The following PCNT variants were observed in gnomAD, a reference collection of about 807,000 sequenced individuals.
PCNT encodes kendrin.
A neutral mutation model predicts 380.4 loss-of-function variants in PCNT; 319 were observed. The ratio of observed to expected loss-of-function variants is 0.84; its 90% confidence interval spans 0.77 to 0.92. The LOEUF is 0.92. Among genes scored for constraint, PCNT ranks in the 40% least tolerant of loss-of-function variants. The pLI is 0.00. For missense variants in PCNT, 4,400 were observed against 4,255.3 expected (o/e 1.03, Z -0.95); for synonymous variants, 1,845 against 1,735.2 (o/e 1.06, Z -1.57).
intron 12 of PCNT, 137 bp downstream of exon 12, chr21:46,355,763 C>A: frequency 1.2e-6 from 1 of 854,806 alleles, no homozygotes; most frequent in South Asian, 1.4e-5. Context: ...CTGGGGCTGA[C>A]ACCTCAACAG....
intron 32 of PCNT, among the ~76,000 whole-genome samples, chr21:46,422,893 G>A (rs1031406354): frequency 2.6e-5 from 4 of 152,112 alleles, no homozygotes; most frequent in East Asian, 1.9e-4. Flanking sequence ...TAAAAGTCGC[G>A]GTTTCCAAAA....
intron 27 of PCNT, among the ~76,000 whole-genome samples, chr21:46,408,073 A>G (rs1220181086): frequency 6.6e-6 from 1 of 152,206 alleles, no homozygotes; most frequent in African/African-American, 2.4e-5. Flanking sequence ...TTTTGAAAAA[A>G]GGATTTAGTC....
intron 6 of PCNT, 36 bp downstream of exon 6, chr21:46,347,548 G>A (rs1277667068): frequency 6.2e-7 from 1 of 1,604,552 alleles, no homozygotes. Flanking sequence ...ACGCCTCTGT[G>A]TATGTTGTTT....
chr21:46,326,720 A>G, intron 2 of PCNT, 131 bp downstream of exon 2: 2 of 1,050,176 alleles, frequency 1.9e-6, no homozygotes, highest in Non-Finnish European at 2.9e-6. Context: ...ATTTTAGTTT[A>G]TAAAAAGTGA....
In PCNT at chr21:46,412,857, G is replaced by A; in HGVS notation, c.6015G>A (p.Leu2005=). The change falls in exon 29 of 47, where the codon CTG becomes CTA. Residue 2005 remains leucine (L), a synonymous_variant. Transcript: ENST00000359568. Reference sequence around the variant, plus strand: ...TCAAGGGTGATCTGCAGCCTGTCCTGGTGACGTTGAAGGATGCACCTCTCT... The same window carrying A: ...TCAAGGGTGATCTGCAGCCTGTCCTAGTGACGTTGAAGGATGCACCTCTCT... ...PDPQGDLQPV[L]VTLKDAPLCK... 2 of 1,612,290 alleles carry A rather than the reference G, an allele frequency of 1.2e-6. No individual in the cohort carries two copies. Among genetic ancestry groups the A allele is most frequent in the Non-Finnish European group, 1.7e-6 (2 of 1,180,026 alleles).
intron 39 of PCNT, 117 bp from the exon 40 acceptor site, chr21:46,436,862 C>T (rs974323669): frequency 1.3e-6 from 1 of 794,578 alleles, no homozygotes; most frequent in Non-Finnish European, 2.2e-6. Context: ...AAGTGATTCA[C>T]ACACAGGCTC....
At chr21:46,360,371 C>T (rs1465552074) in intron 13 of PCNT, among the ~76,000 whole-genome samples, 2 of 137,912 alleles carry the variant, frequency 1.5e-5, no homozygotes, top group Non-Finnish European at 3.1e-5. Context: ...CTACAGGCGC[C>T]CGCCACCACG....
intron 13 of PCNT, among the ~76,000 whole-genome samples, chr21:46,358,540 G>A (rs1432723510): frequency 6.6e-6 from 1 of 152,236 alleles, no homozygotes; most frequent in Non-Finnish European, 1.5e-5. Context: ...GGCACCTGCA[G>A]CCACCAGTGT....
intron 35 of PCNT, among the ~76,000 whole-genome samples, chr21:46,429,489 G>A (rs2087660515): frequency 6.6e-6 from 1 of 151,898 alleles, no homozygotes; most frequent in South Asian, 2.1e-4. Context: ...AGGGGCATGG[G>A]GGTGGTGGGC....
In PCNT at chr21:46,429,994, CT is replaced by C; in HGVS notation, c.7691-12del. The stretch of plus-strand genomic sequence containing the variant: ...GAGCTCATGGGGGCCTGTTACTGTT[CT>C]TTTGTCTTTCTCAGTTGAACTGCTG... On this transcript the variant is annotated splice_polypyrimidine_tract_variant and intron_variant, in intron 35 of 46. Coordinates refer to ENST00000359568, the MANE Select transcript of PCNT (RefSeq NM_006031.6). The C allele has an allele frequency of 6.2e-7, 1 of 1,610,876 alleles. No individual in the cohort carries two copies. Among genetic ancestry groups the C allele is most frequent in the Non-Finnish European group, 8.5e-7 (1 of 1,177,076 alleles).
In PCNT at chr21:46,394,247, C is replaced by T. The variant is rs890317523; in HGVS notation, c.4216+2871C>T. 3.7e-4 allele frequency among the ~76,000 whole-genome samples: 57 copies of T among 152,228 alleles called. 1 individual carries two copies. Among genetic ancestry groups the T allele is most frequent in the Admixed American group, 2.0e-4 (3 of 15,290 alleles). On this transcript the variant is annotated intron_variant, in intron 21 of 46. Coordinates refer to ENST00000359568, the MANE Select transcript of PCNT (RefSeq NM_006031.6). Reference sequence around the variant, plus strand: ...TCGCCGTGTTGCGTGACGCCCCCTTCGCTGTGTGGTGTTTTGTGGCTCTCT... The same window carrying T: ...TCGCCGTGTTGCGTGACGCCCCCTTTGCTGTGTGGTGTTTTGTGGCTCTCT...
At chr21:46,428,845 C>G (rs2087620047) in intron 35 of PCNT, among the ~76,000 whole-genome samples, 1 of 152,188 alleles carries the variant, frequency 6.6e-6, no homozygotes, top group African/African-American at 2.4e-5. Flanking sequence ...GCTCTGAGTG[C>G]TGGCAGATTC....
rs750510151 is a variant in PCNT, at chr21:46,363,952, C to T, written c.2609+18C>T. 2.5e-6 allele frequency: 4 copies of T among 1,597,158 alleles called. No individual in the cohort carries two copies. Among genetic ancestry groups the T allele is most frequent in the Non-Finnish European group, 3.4e-6 (4 of 1,175,860 alleles). ...CGGAGCAGGTGGGTTTGCAGTGACG[C>T]CATCTGCAGTCCCTGTGAGGCCAGA... On this transcript the variant is annotated intron_variant, in intron 14 of 46. Transcript: ENST00000359568.
rs962833017 is a variant in PCNT, at chr21:46,388,957, A to G, written c.3607+73A>G. Reference sequence around the variant, plus strand: ...TGTGGTCCTGGAGCTCTCTGAGAGGAGCCTCCGTATTGGGCGATGCCCTTG... The same window carrying G: ...TGTGGTCCTGGAGCTCTCTGAGAGGGGCCTCCGTATTGGGCGATGCCCTTG... On this transcript the variant is annotated intron_variant, in intron 18 of 46. Transcript: ENST00000359568. This position sits in a 1 kb window ranked among gnomAD's most constrained non-coding sequence, Gnocchi z 4.2. The G allele has an allele frequency of 6.5e-7, 1 of 1,531,888 alleles. No homozygotes were observed. Among genetic ancestry groups the G allele is most frequent in the Non-Finnish European group, 8.8e-7 (1 of 1,141,884 alleles). 94.9% of individuals were successfully genotyped at this position (1,531,888 alleles called of 1,614,324 possible).
At chr21:46,434,457 T>C (rs1410904741) in intron 38 of PCNT, among the ~76,000 whole-genome samples, 2 of 152,250 alleles carry the variant, frequency 1.3e-5, no homozygotes, top group Non-Finnish European at 2.9e-5. Flanking sequence ...TCTGTGTGTC[T>C]GCATCTTGGG....
rs11384688 is a variant in PCNT at position 46,341,946 on chromosome 21, A to ATTT, written c.640-4171_640-4169dup. On this transcript the variant is annotated intron_variant, in intron 3 of 46. Coordinates refer to ENST00000359568, the MANE Select transcript of PCNT (RefSeq NM_006031.6). ...CTCCTGCTTTACATGCTTTTTACTTATTTTTTTTTTTTTGAGATGGAGTCC... is the reference window on the plus strand; with the variant it reads ...CTCCTGCTTTACATGCTTTTTACTTATTTTTTTTTTTTTTTTGAGATGGAGTCC... 1.6e-4 allele frequency among the ~76,000 whole-genome samples: 23 copies of ATTT among 145,152 alleles called. 1 individual carries two copies. The highest frequency in any genetic ancestry group is 1.3e-3 in the South Asian group (6 of 4,622).
chr21:46,417,523 A>G (rs369875026), intron 30 of PCNT, among the ~76,000 whole-genome samples: 22 of 145,322 alleles, frequency 1.5e-4, no homozygotes, highest in African/African-American at 5.4e-4. Flanking sequence ...CAGGTTTCAC[A>G]TATGCTAATT....
chr21:46,422,762 C>T (rs1450206296), intron 32 of PCNT, among the ~76,000 whole-genome samples: 1 of 152,096 alleles, frequency 6.6e-6, no homozygotes, highest in Non-Finnish European at 1.5e-5. Flanking sequence ...CGCAGTAAGT[C>T]CTCACTTAGC....
At chr21:46,423,316 A>G (rs2087336031) in intron 32 of PCNT, among the ~76,000 whole-genome samples, 1 of 150,636 alleles carries the variant, frequency 6.6e-6, no homozygotes, top group African/African-American at 2.4e-5. Flanking sequence ...TCAGCCTCCC[A>G]AGCAGCTTGG....
Sources: allele counts gnomAD v4.1 joint callset (sites outside exome capture counted in the v4.1 genomes callset), GRCh38; gene constraint gnomAD v4.1.1; non-coding constraint Gnocchi (gnomAD v3.1); transcripts MANE v1.5; gene names NCBI Gene and HGNC (gene_info 2026-07-23, HGNC 2026-07-21).